CDK7: variants seen among roughly 807,000 people sequenced by gnomAD.
CDK7 encodes cyclin-dependent kinase 7.
CDK7 carries 25 observed loss-of-function variants against 49.1 expected under a neutral mutation model. That is an observed-to-expected ratio of 0.51 (90% confidence interval 0.37 to 0.71). The LOEUF is 0.71. Ranked by LOEUF, CDK7 falls within the 30% of genes least tolerant of loss-of-function variation. CDK7 has a pLI of 0.00. For synonymous variants in CDK7, 107 were observed against 140.0 expected, an observed-to-expected ratio of 0.76 and a Z score of 1.67; for missense variants, 316 against 411.7, an observed-to-expected ratio of 0.77 and a Z score of 2.01.
chr5:69,246,586 G>A (rs1240832432), intron 2 of CDK7, among the ~76,000 whole-genome samples: 1 of 151,686 alleles, frequency 6.6e-6, no homozygotes, highest in Non-Finnish European at 1.5e-5. Context: ...GTATTTTTTT[G>A]TTTCAATTTC....
intron 2 of CDK7, chr5:69,250,610 A>G: frequency 2.3e-6 from 1 of 427,910 alleles, no homozygotes; most frequent in South Asian, 1.7e-5. Context: ...AGGTCCAGAA[A>G]TGCCATCCAA....
intron 7 of CDK7, among the ~76,000 whole-genome samples, chr5:69,260,574 T>A (rs999704564): frequency 6.6e-6 from 1 of 152,204 alleles, no homozygotes; most frequent in African/African-American, 2.4e-5. Flanking sequence ...GGACCCATTT[T>A]TATTATGTTG....
At chr5:69,249,178 CCT>C (rs1325318712) in intron 2 of CDK7, among the ~76,000 whole-genome samples, 1 of 151,528 alleles carries the variant, frequency 6.6e-6, no homozygotes, top group Non-Finnish European at 1.5e-5. Context: ...TCTTTTGTCT[CCT>C]CTGTTTTCAA....
At chr5:69,270,704 T>A (rs1751470534) in intron 9 of CDK7, among the ~76,000 whole-genome samples, 1 of 152,224 alleles carries the variant, frequency 6.6e-6, no homozygotes. Context: ...GTTATGTAAA[T>A]GGATAAATGG....
At position 69,256,640 on chromosome 5, in the gene CDK7, C is replaced by G. The variant is rs565781044; in HGVS notation, c.297+1112C>G. ...ATAAGCGTGAGCCACCATGCCCGGC[C>G]TCTTTCTTTTAGATAAATACCTAGC... On this transcript the variant is annotated intron_variant, in intron 5 of 11. Transcript: ENST00000256443. Among the ~76,000 whole-genome samples, 3 of 152,176 alleles carry G rather than the reference C, an allele frequency of 2.0e-5. No homozygotes were observed. In the East Asian group the frequency reaches 5.8e-4, roughly 29 times the overall value.
At chr5:69,267,890 A>G (rs1218544658) in intron 8 of CDK7, among the ~76,000 whole-genome samples, 9 of 152,182 alleles carry the variant, frequency 5.9e-5, no homozygotes, top group Admixed American at 5.9e-4. Flanking sequence ...ACAAAAGATA[A>G]TCCTTTTGGG....
intron 8 of CDK7, 44 bp downstream of exon 8, chr5:69,262,348 T>C: frequency 6.2e-7 from 1 of 1,613,054 alleles, no homozygotes; most frequent in African/African-American, 1.3e-5. Context: ...GTTGTTGCAG[T>C]TATTTGTTCT....
intron 10 of CDK7, 28 bp from the exon 11 acceptor site, chr5:69,276,515 T>C (rs1267705447): frequency 1.2e-6 from 2 of 1,607,568 alleles, no homozygotes; most frequent in Admixed American, 1.7e-5. Flanking sequence ...CTCACCTACC[T>C]TACTTTTGGT....
intron 4 of CDK7, 134 bp downstream of exon 4, chr5:69,254,803 A>G (rs1167066537): frequency 5.0e-6 from 3 of 597,466 alleles, no homozygotes; most frequent in African/African-American, 1.9e-5. Context: ...TACATTTTCT[A>G]TCCCAGTTGT....
chr5:69,255,719 TTACA>T (rs1750443833), intron 5 of CDK7, 191 bp downstream of exon 5: 1 of 602,950 alleles, frequency 1.7e-6, no homozygotes, highest in Non-Finnish European at 3.0e-6. Context: ...ATCCCCAGTG[TTACA>T]TACAAAGATT....
At chr5:69,235,083 G>C in intron 1 of CDK7, 42 bp downstream of exon 1, 1 of 1,534,570 alleles carries the variant, frequency 6.5e-7, no homozygotes, top group Non-Finnish European at 8.9e-7. Context: ...CAAGCGGACA[G>C]CCCCGCGCCG....
At position 69,235,052 on chromosome 5, in the gene CDK7, C is replaced by G. The variant is rs998614735; in HGVS notation, c.66+11C>G. ...CTTGGGGAGGGACAGGTGAGGCTCT[C>G]TGGAAGGACGGGGAGGGCCCCAAGC... On this transcript the variant is annotated intron_variant, in intron 1 of 11. Coordinates refer to ENST00000256443, the MANE Select transcript of CDK7 (RefSeq NM_001799.4). The G allele has an allele frequency of 4.4e-6, 7 of 1,596,644 alleles. No individual in the cohort carries two copies. The African/African-American group carries it at 6.7e-5, about 15-fold the overall frequency.
chr5:69,268,303 C>T (rs1389076193), intron 8 of CDK7, among the ~76,000 whole-genome samples: 1 of 152,124 alleles, frequency 6.6e-6, no homozygotes, highest in Non-Finnish European at 1.5e-5. Context: ...CTTACCACCT[C>T]CACCTAAGGG....
At chr5:69,254,521 CAAAAAA>C (rs35239844) in intron 3 of CDK7, 75 bp from the exon 4 acceptor site, 58 of 478,570 alleles carry the variant, frequency 1.2e-4, no homozygotes, top group African/African-American at 2.6e-4. Context: ...GACTCCATCT[CAAAAAA>C]AAAAAAAAAA....
chr5:69,252,523 T>TAAAAA, intron 3 of CDK7, 72 bp downstream of exon 3: 1 of 560,264 alleles, frequency 1.8e-6, no homozygotes, highest in Non-Finnish European at 2.7e-6. Context: ...TTTTTTTTTT[T>TAAAAA]TAAAAAGACA....
At chr5:69,256,870 AAAAG>A (rs1446884609) in intron 5 of CDK7, among the ~76,000 whole-genome samples, 1 of 152,138 alleles carries the variant, frequency 6.6e-6, no homozygotes, top group South Asian at 2.1e-4. Flanking sequence ...AAAGAAAAAA[AAAAG>A]AAACAAAAAC....
At chr5:69,255,638 A>AT in intron 5 of CDK7, 110 bp downstream of exon 5, 1 of 846,678 alleles carries the variant, frequency 1.2e-6, no homozygotes, top group Non-Finnish European at 2.0e-6. Context: ...AAAAAGCTTA[A>AT]TTTTGTTGAA....
intron 2 of CDK7, among the ~76,000 whole-genome samples, chr5:69,240,815 G>A (rs1375569861): frequency 2.6e-5 from 4 of 152,096 alleles, no homozygotes; most frequent in Non-Finnish European, 5.9e-5. Flanking sequence ...TTTTAGTAGA[G>A]ACGGGGTTTC....
At position 69,238,114 on chromosome 5, in the gene CDK7, T is replaced by G. The variant is rs1749125928; in HGVS notation, c.126+2661T>G. On this transcript the variant is annotated intron_variant, in intron 2 of 11. Coordinates refer to ENST00000256443, the MANE Select transcript of CDK7 (RefSeq NM_001799.4). ...TCATTCACCTGTTGAGTCTTGGACT[T>G]TAGAAATACTGATGTATCTCATCCT... Among the ~76,000 whole-genome samples the G allele has an allele frequency of 2.0e-5, 3 of 152,322 alleles. No homozygotes were observed. In the South Asian group the frequency reaches 6.2e-4, roughly 32 times the overall value.
Sources: allele counts gnomAD v4.1 joint callset (sites outside exome capture counted in the v4.1 genomes callset), GRCh38; gene constraint gnomAD v4.1.1; transcripts MANE v1.5; gene names NCBI Gene and HGNC (gene_info 2026-07-23, HGNC 2026-07-21).